The following PRR16 variants were observed in gnomAD, a reference collection of about 807,000 sequenced individuals.
PRR16 encodes the protein proline rich 16, also known as protein Largen.
Under a neutral mutation model 18.2 loss-of-function variants are expected in PRR16, and 6 were observed. That is an observed-to-expected ratio of 0.33 (90% CI 0.18 to 0.65). The LOEUF is 0.65. Among genes scored for constraint, PRR16 ranks in the 30% least tolerant of loss-of-function variants. PRR16 has a pLI of 0.74. For synonymous variants in PRR16, 151 were observed against 147.8 expected, an observed-to-expected ratio of 1.02 and a Z score of -0.16; for missense variants, 412 against 376.6, an observed-to-expected ratio of 1.09 and a Z score of -0.78.
intron 1 of PRR16, among the ~76,000 whole-genome samples, chr5:120,658,817 C>A (rs1189733655): frequency 6.6e-6 from 1 of 151,884 alleles, no homozygotes; most frequent in Non-Finnish European, 1.5e-5. Flanking sequence ...AAGGTGAAAT[C>A]CAGAAATATA....
chr5:120,503,477 A>T (rs1289840150), intron 1 of PRR16, among the ~76,000 whole-genome samples: 1 of 152,156 alleles, frequency 6.6e-6, no homozygotes, highest in Non-Finnish European at 1.5e-5. Flanking sequence ...AAGTTTTCTT[A>T]TGTAAATATG....
intron 1 of PRR16, among the ~76,000 whole-genome samples, chr5:120,646,046 TTTTA>T (rs1423778861): frequency 1.1e-4 from 1 of 8,996 alleles, no homozygotes; most frequent in African/African-American, 1.8e-4. Flanking sequence ...AAAATACATA[TTTTA>T]TATATATATA....
the PRR16 span, among the ~76,000 whole-genome samples, chr5:120,712,052 C>T: frequency 6.6e-6 from 1 of 152,036 alleles, no homozygotes; most frequent in East Asian, 1.9e-4. Context: ...GTTTTTAGTG[C>T]TCTGTATATC....
intron 1 of PRR16, among the ~76,000 whole-genome samples, chr5:120,580,075 T>C (rs1033716406): frequency 6.6e-6 from 1 of 152,198 alleles, no homozygotes; most frequent in Non-Finnish European, 1.5e-5. Context: ...TTTTTGCACA[T>C]TGATTTTGTA....
At chr5:120,673,870 A>G (rs1756701374) in intron 1 of PRR16, among the ~76,000 whole-genome samples, 1 of 151,714 alleles carries the variant, frequency 6.6e-6, no homozygotes, top group African/African-American at 2.4e-5. Context: ...CAGGAGAATC[A>G]CTTCACCCTA....
At chr5:120,516,392 C>T (rs551689516) in intron 1 of PRR16, among the ~76,000 whole-genome samples, 1 of 145,788 alleles carries the variant, frequency 6.9e-6, no homozygotes, top group African/African-American at 2.5e-5. Flanking sequence ...ACACTGCATT[C>T]CAGCCTGGGT....
At chr5:120,585,122 G>A (rs1236217702) in intron 1 of PRR16, among the ~76,000 whole-genome samples, 3 of 152,208 alleles carry the variant, frequency 2.0e-5, no homozygotes, top group Non-Finnish European at 4.4e-5. Flanking sequence ...ACTTTGAATT[G>A]TTAAATAAGA....
At chr5:120,581,637 C>G (rs567356548) in intron 1 of PRR16, among the ~76,000 whole-genome samples, 39 of 152,178 alleles carry the variant, frequency 2.6e-4, no homozygotes, top group African/African-American at 8.4e-4. Flanking sequence ...ATCTTTCTAG[C>G]TGTTTGATAT....
At chr5:120,725,421 C>T in the PRR16 span, among the ~76,000 whole-genome samples, 1 of 151,352 alleles carries the variant, frequency 6.6e-6, no homozygotes, top group Non-Finnish European at 1.5e-5. Context: ...TTTGCGAGTC[C>T]AAGGCAGGAG....
chr5:120,608,616 G>T (rs968030580), intron 1 of PRR16, among the ~76,000 whole-genome samples: 2 of 152,062 alleles, frequency 1.3e-5, no homozygotes, highest in Admixed American at 6.6e-5. Context: ...CCAAATAAAT[G>T]ATTTAAATCT....
intron 1 of PRR16, among the ~76,000 whole-genome samples, chr5:120,481,457 T>C (rs1749616343): frequency 6.6e-6 from 1 of 152,184 alleles, no homozygotes; most frequent in South Asian, 2.1e-4. Context: ...ATTGCCGATG[T>C]TGTTTCCATG....
At chr5:120,580,055 A>G (rs1753215927) in intron 1 of PRR16, among the ~76,000 whole-genome samples, 1 of 152,174 alleles carries the variant, frequency 6.6e-6, no homozygotes, top group South Asian at 2.1e-4. Flanking sequence ...TTGTAAAGGA[A>G]TGCTTGTGAT....
chr5:120,710,022 C>G, the PRR16 span, among the ~76,000 whole-genome samples: 1 of 152,030 alleles, frequency 6.6e-6, no homozygotes, highest in Admixed American at 6.6e-5. Context: ...TGTGGTAGTT[C>G]TATTTTTAGT....
At chr5:120,744,974 A>G in the PRR16 span, among the ~76,000 whole-genome samples, 1 of 152,170 alleles carries the variant, frequency 6.6e-6, no homozygotes, top group Non-Finnish European at 1.5e-5. Flanking sequence ...GAAGATCTTC[A>G]GGTTTCAAGG....
intron 1 of PRR16, among the ~76,000 whole-genome samples, chr5:120,474,608 C>A (rs2405808): frequency 0.22 from 18,501 of 85,572 alleles, 1,310 homozygotes; most frequent in South Asian, 0.26. Context: ...AAAAAAAAAA[C>A]CCATTATCTG....
At chr5:120,693,203 A>G in the PRR16 span, among the ~76,000 whole-genome samples, 1 of 152,216 alleles carries the variant, frequency 6.6e-6, no homozygotes, top group Non-Finnish European at 1.5e-5. Context: ...TTTGAGTCTC[A>G]GTCCTTCTAG....
intron 1 of PRR16, among the ~76,000 whole-genome samples, chr5:120,566,192 G>C (rs1219892477): frequency 6.6e-6 from 1 of 152,138 alleles, no homozygotes. Context: ...TGTCTGTTCA[G>C]TGTGCTGTCA....
At chr5:120,705,799 C>T in the PRR16 span, among the ~76,000 whole-genome samples, 1 of 151,878 alleles carries the variant, frequency 6.6e-6, no homozygotes, top group South Asian at 2.1e-4. Context: ...TGGTAGAAAT[C>T]AATATTGTCA....
chr5:120,766,046 T>C, the PRR16 span, among the ~76,000 whole-genome samples: 1 of 152,082 alleles, frequency 6.6e-6, no homozygotes, highest in Non-Finnish European at 1.5e-5. Context: ...AGTTTAGGGC[T>C]ATTATAAACA....
Sources: gnomAD v4.1 joint callset for allele counts (sites outside exome capture counted in the v4.1 genomes callset) on GRCh38, gnomAD v4.1.1 for gene constraint, MANE v1.5 for transcripts, NCBI Gene and HGNC (gene_info 2026-07-23, HGNC 2026-07-21) for gene names.